The following CCSER1 variants were observed in gnomAD, a reference collection of about 807,000 sequenced individuals.
CCSER1 encodes coiled-coil serine rich protein 1.
A neutral mutation model predicts 82.0 loss-of-function variants in CCSER1; 41 were observed. The ratio of observed to expected loss-of-function variants is 0.50; its 90% CI spans 0.39 to 0.65. The LOEUF is 0.65. Among genes scored for constraint, CCSER1 ranks in the 30% least tolerant of loss-of-function variants. CCSER1 has a pLI of 0.00. For synonymous variants in CCSER1, 414 were observed against 383.9 expected (o/e 1.08, Z -0.92); for missense variants, 1,119 against 1,064.2 (o/e 1.05, Z -0.72).
At chr4:91,114,512 G>A (rs891736913) in intron 10 of CCSER1, among the ~76,000 whole-genome samples, 11 of 152,112 alleles carry the variant, frequency 7.2e-5, no homozygotes, top group African/African-American at 2.7e-4. Context: ...CAGAACTTGA[G>A]GAGAGGTATC....
At chr4:91,416,322 G>A (rs1371850456) in intron 10 of CCSER1, among the ~76,000 whole-genome samples, 3 of 151,728 alleles carry the variant, frequency 2.0e-5, no homozygotes, top group Non-Finnish European at 2.9e-5. Flanking sequence ...AACTACCATT[G>A]ACATTCTTCA....
intron 9 of CCSER1, among the ~76,000 whole-genome samples, chr4:91,063,146 GAGA>G (rs1207866438): frequency 1.3e-5 from 2 of 152,058 alleles, no homozygotes; most frequent in African/African-American, 4.8e-5. Context: ...AACCAAAGAC[GAGA>G]AGAAGAAAAT....
chr4:91,392,555 T>C (rs1751728675), intron 10 of CCSER1, among the ~76,000 whole-genome samples: 1 of 152,132 alleles, frequency 6.6e-6, no homozygotes, highest in Non-Finnish European at 1.5e-5. Flanking sequence ...AGTTCATATA[T>C]CTGTGTGTAG....
At chr4:90,217,134 C>G (rs1360030425) in intron 1 of CCSER1, among the ~76,000 whole-genome samples, 1 of 152,052 alleles carries the variant, frequency 6.6e-6, no homozygotes, top group East Asian at 1.9e-4. Context: ...GATTTTGTAT[C>G]CTGAAACTTT....
At chr4:90,322,034 GTC>G (rs1436781992) in intron 3 of CCSER1, among the ~76,000 whole-genome samples, 1 of 151,966 alleles carries the variant, frequency 6.6e-6, no homozygotes, top group East Asian at 1.9e-4. Context: ...TGTTTTTGAG[GTC>G]TTAGTCAGGA....
chr4:91,261,101 C>T (rs140874430), intron 10 of CCSER1, among the ~76,000 whole-genome samples: 1 of 152,204 alleles, frequency 6.6e-6, no homozygotes, highest in Non-Finnish European at 1.5e-5. Context: ...GCCTTGGCTG[C>T]ACCTTATACC....
chr4:90,714,758 C>G (rs1741319254), intron 6 of CCSER1, among the ~76,000 whole-genome samples: 1 of 151,906 alleles, frequency 6.6e-6, no homozygotes, highest in Admixed American at 6.6e-5. Flanking sequence ...AAGATAAAAC[C>G]AATAAGCTTA....
chr4:90,781,268 A>G, intron 7 of CCSER1: 1 of 985,106 alleles, frequency 1.0e-6, no homozygotes, highest in Non-Finnish European at 1.2e-6. Context: ...ATGCACCATA[A>G]CACTTTTATT....
intron 10 of CCSER1, among the ~76,000 whole-genome samples, chr4:91,510,909 A>G (rs1372348559): frequency 6.6e-6 from 1 of 152,148 alleles, no homozygotes; most frequent in Admixed American, 6.5e-5. Context: ...TCCAAGGCCA[A>G]TTTCCAGAAT....
chr4:90,512,865 A>G (rs970673564), intron 5 of CCSER1, among the ~76,000 whole-genome samples: 1 of 152,226 alleles, frequency 6.6e-6, no homozygotes, highest in Non-Finnish European at 1.5e-5. Context: ...TAAGTAAAAC[A>G]TGTCTTCTTC....
At chr4:90,200,553 T>C (rs988839699) in intron 1 of CCSER1, among the ~76,000 whole-genome samples, 1 of 152,064 alleles carries the variant, frequency 6.6e-6, no homozygotes, top group Non-Finnish European at 1.5e-5. Flanking sequence ...TTTCAGCACT[T>C]AACTGCTATG....
chr4:90,469,386 A>T (rs1764050951), intron 5 of CCSER1, among the ~76,000 whole-genome samples: 1 of 152,096 alleles, frequency 6.6e-6, no homozygotes, highest in Non-Finnish European at 1.5e-5. Flanking sequence ...TTTTAATACA[A>T]TCTAAAAGTC....
chr4:90,606,090 T>C (rs1449328856), intron 5 of CCSER1, among the ~76,000 whole-genome samples: 1 of 152,122 alleles, frequency 6.6e-6, no homozygotes, highest in Non-Finnish European at 1.5e-5. Context: ...TCATTTTGGA[T>C]GAATGTAGAA....
At chr4:90,858,330 T>G (rs1202263831) in intron 8 of CCSER1, among the ~76,000 whole-genome samples, 3 of 152,028 alleles carry the variant, frequency 2.0e-5, no homozygotes, top group Non-Finnish European at 4.4e-5. Flanking sequence ...ATCGCTTAAG[T>G]AAAAATGGAT....
intron 7 of CCSER1, among the ~76,000 whole-genome samples, chr4:90,753,889 T>C (rs778756312): frequency 5.3e-5 from 8 of 152,190 alleles, no homozygotes; most frequent in Non-Finnish European, 1.2e-4. Flanking sequence ...TCCTCAAACA[T>C]AGTAAGTTCT....
chr4:90,359,899 A>ATATATATATGTGTGTGTG (rs1561092305), intron 3 of CCSER1, among the ~76,000 whole-genome samples: 695 of 22,606 alleles, frequency 0.031, 25 homozygotes, highest in African/African-American at 0.22. Flanking sequence ...GTGTGTGTGT[A>ATATATATATGTGTGTGTG]TATATATATA....
Position 91,481,943 on chromosome 4 carries a change from A to G in CCSER1, c.2218-116629A>G, listed in dbSNP as rs1047518366. Reference sequence around the variant, plus strand: ...AAATTTACAAGAAAAAAACAACCCCATCAAAAAGTGGGTGAAGGATATGAA... The same window carrying G: ...AAATTTACAAGAAAAAAACAACCCCGTCAAAAAGTGGGTGAAGGATATGAA... On this transcript the variant is annotated intron_variant, in intron 10 of 10. Coordinates refer to ENST00000509176, the MANE Select transcript of CCSER1 (RefSeq NM_001145065.2). 3.3e-5 allele frequency among the ~76,000 whole-genome samples: 5 copies of G among 152,178 alleles called. 1 individual carries two copies. Among genetic ancestry groups the G allele is most frequent in the Admixed American group, 3.3e-4 (5 of 15,280 alleles).
At chr4:90,983,900 G>T (rs143646540) in intron 9 of CCSER1, among the ~76,000 whole-genome samples, 291 of 151,764 alleles carry the variant, frequency 1.9e-3, no homozygotes, top group Non-Finnish European at 3.3e-3. Flanking sequence ...CTGTTTATAC[G>T]ATTCTCTAAA....
chr4:91,436,930 G>A (rs1754692110), intron 10 of CCSER1, among the ~76,000 whole-genome samples: 1 of 152,204 alleles, frequency 6.6e-6, no homozygotes, highest in African/African-American at 2.4e-5. Flanking sequence ...AAATGTCCTT[G>A]GTGCCTAGGG....
Sources: allele counts gnomAD v4.1 joint callset (sites outside exome capture counted in the v4.1 genomes callset), GRCh38; gene constraint gnomAD v4.1.1; transcripts MANE v1.5; gene names NCBI Gene and HGNC (gene_info 2026-07-23, HGNC 2026-07-21).